CDC42EP3: variants seen among roughly 807,000 people sequenced by gnomAD.
The protein encoded by CDC42EP3 is CDC42 effector protein 3, also known as CDC42 effector protein (Rho GTPase binding) 3.
In CDC42EP3, 4 loss-of-function variants were observed where a neutral mutation model predicts 15.5. The ratio of observed to expected loss-of-function variants is 0.26; its 90% CI spans 0.13 to 0.59. The LOEUF (loss-of-function observed/expected upper bound fraction) is 0.59. Ranked by LOEUF, CDC42EP3 falls within the 20% of genes least tolerant of loss-of-function variation. CDC42EP3 has a pLI of 0.89. For missense variants in CDC42EP3, 309 were observed against 311.2 expected, an observed-to-expected ratio of 0.99 and a Z score of 0.05; for synonymous variants, 145 against 130.3, an observed-to-expected ratio of 1.11 and a Z score of -0.77.
chr2:37,672,283 T>G (rs1301295511), upstream of CDC42EP3: 1 of 152,452 alleles, frequency 6.6e-6, no homozygotes, highest in Non-Finnish European at 1.5e-5. Context: ...ATAAGCGCCC[T>G]GAAGATGCCG....
intron 1 of CDC42EP3, among the ~76,000 whole-genome samples, chr2:37,667,756 A>G (rs1380139105): frequency 6.6e-6 from 1 of 152,240 alleles, no homozygotes; most frequent in African/African-American, 2.4e-5. Context: ...CCAGAGGCCA[A>G]AAGTCATAAC....
At chr2:37,660,075 CT>C (rs1666008578) in intron 1 of CDC42EP3, among the ~76,000 whole-genome samples, 1 of 152,168 alleles carries the variant, frequency 6.6e-6, no homozygotes, top group Non-Finnish European at 1.5e-5. Context: ...GGTGTTAGAG[CT>C]GAGTGTTAAA....
intron 1 of CDC42EP3, among the ~76,000 whole-genome samples, chr2:37,666,575 C>T (rs1666256491): frequency 6.6e-6 from 1 of 152,220 alleles, no homozygotes; most frequent in Non-Finnish European, 1.5e-5. Flanking sequence ...TCTATTAATT[C>T]ATGACTTAGG....
At chr2:37,664,207 A>G (rs1388183137) in intron 1 of CDC42EP3, among the ~76,000 whole-genome samples, 1 of 152,096 alleles carries the variant, frequency 6.6e-6, no homozygotes, top group African/African-American at 2.4e-5. Context: ...CAGGCAGAGG[A>G]ACGTGGAAGG....
Position 37,642,281 on chromosome 2 carries a change from C to T in CDC42EP3, c.*3542G>A, listed in dbSNP as rs957948961. The stretch of plus-strand genomic sequence containing the variant: ...TTAGCCAGTACCAATAAGTTAACGT[C>T]GTGTGAATAATTTTGGGTATTCTGG... On this transcript the variant is annotated 3_prime_UTR_variant, in exon 2 of 2. Coordinates refer to ENST00000295324, the MANE Select transcript of CDC42EP3 (RefSeq NM_006449.5). 1 of 152,180 alleles carries T rather than the reference C, an allele frequency of 6.6e-6. No individual in the cohort carries two copies. The highest frequency in any genetic ancestry group is 1.5e-5 in the Non-Finnish European group (1 of 68,038). 9.4% of individuals were successfully genotyped at this position (152,180 alleles called of 1,614,324 possible).
intron 1 of CDC42EP3, among the ~76,000 whole-genome samples, chr2:37,649,296 T>A (rs1197713185): frequency 1.3e-5 from 2 of 151,154 alleles, no homozygotes; most frequent in East Asian, 2.0e-4. Context: ...ACAAAAACTT[T>A]CTTAAAAAAT....
chr2:37,651,851 C>A (rs1243731226), intron 1 of CDC42EP3, among the ~76,000 whole-genome samples: 2 of 152,158 alleles, frequency 1.3e-5, no homozygotes, highest in Non-Finnish European at 2.9e-5. Context: ...TATGCCATGA[C>A]TTGAAATCCC....
Position 37,661,513 on chromosome 2 carries a change from C to G in CDC42EP3, c.-236+9913G>C, listed in dbSNP as rs985464611. On this transcript the variant is annotated intron_variant, in intron 1 of 1. Transcript: ENST00000295324. The stretch of plus-strand genomic sequence containing the variant: ...AACTGGGGTCCAGAATTACCTGGAC[C>G]GAGAGCCGGGGCTGGATGAAGCCCA... 3.3e-5 allele frequency among the ~76,000 whole-genome samples: 5 copies of G among 152,060 alleles called. No homozygotes were observed. The South Asian group carries it at 8.3e-4, about 25-fold the overall frequency.
intron 1 of CDC42EP3, among the ~76,000 whole-genome samples, chr2:37,667,371 C>G (rs561936426): frequency 1.3e-5 from 2 of 152,262 alleles, no homozygotes; most frequent in South Asian, 2.1e-4. Context: ...TTCCTGCCTT[C>G]AAGGAGGGGA....
chr2:37,657,060 G>A (rs1233593627), intron 1 of CDC42EP3, among the ~76,000 whole-genome samples: 2 of 135,420 alleles, frequency 1.5e-5, no homozygotes, highest in African/African-American at 2.9e-5. Flanking sequence ...GTTAAGTGCT[G>A]TTCATTCTTT....
At position 37,657,037 on chromosome 2, in the gene CDC42EP3, C is replaced by T. The variant is rs150771100; in HGVS notation, c.-235-10215G>A. ...CGAGGAGAAAAACAAACATCCTGTT[C>T]TTAGAAAATCGTGTTAAGTGCTGTT... is the stretch of plus-strand genomic sequence containing the variant. On this transcript the variant is annotated intron_variant, in intron 1 of 1. Coordinates refer to ENST00000295324, the MANE Select transcript of CDC42EP3 (RefSeq NM_006449.5). Among the ~76,000 whole-genome samples, 464 of 127,568 alleles carry T rather than the reference C, an allele frequency of 3.6e-3. 2 individuals carry two copies. Among genetic ancestry groups the T allele is most frequent in the African/African-American group, 0.013 (441 of 33,612 alleles). The allele number at this position is 127,568 out of a possible 152,430, so 83.7% of individuals were successfully genotyped here.
chr2:37,646,022 G>T lies in CDC42EP3; in HGVS notation c.566C>A (p.Ser189Tyr), dbSNP rs746537202. 8 of 1,613,916 alleles carry T rather than the reference G, an allele frequency of 5.0e-6. No homozygotes were observed. The highest frequency in any genetic ancestry group is 6.8e-6 in the Non-Finnish European group (8 of 1,179,968). ...SQSSQGRDSH[S>Y]SSLSEQYPDW... ...GGGGTACTGTTCGGACAGGCTGGAG[G>T]AGTGGCTGTCTCTGCCTTGGCTGGA... Residue 189 changes from serine (S) to tyrosine (Y), a missense_variant, in exon 2 of 2, where the codon TCC (serine) becomes TAC (tyrosine). By Grantham distance (144) the Ser-to-Tyr change is moderately radical. Coordinates refer to ENST00000295324, the MANE Select transcript of CDC42EP3 (RefSeq NM_006449.5).
In CDC42EP3 at chr2:37,644,723, G is replaced by C. The variant is rs1322090292; in HGVS notation, c.*1100C>G. The C allele has an allele frequency of 6.6e-6, 1 of 151,978 alleles. No homozygotes were observed. Among genetic ancestry groups the C allele is most frequent in the Non-Finnish European group, 1.5e-5 (1 of 68,012 alleles). The allele number at this position is 151,978 out of a possible 1,614,324, so 9.4% of individuals were successfully genotyped here. ...AACCATAAGGAAGTAATCAAAATGA[G>C]AGTAGATGGAAATCATCTCTTACCT... On this transcript the variant is annotated 3_prime_UTR_variant, in exon 2 of 2. Coordinates refer to ENST00000295324, the MANE Select transcript of CDC42EP3 (RefSeq NM_006449.5).
intron 1 of CDC42EP3, among the ~76,000 whole-genome samples, chr2:37,669,998 C>A (rs1227650968): frequency 6.6e-6 from 1 of 152,154 alleles, no homozygotes; most frequent in Admixed American, 6.5e-5. Flanking sequence ...TAAGAGCTCA[C>A]ACAAATTGCA....
intron 1 of CDC42EP3, among the ~76,000 whole-genome samples, chr2:37,666,800 A>G (rs901924682): frequency 4.4e-5 from 6 of 137,378 alleles, no homozygotes; most frequent in Non-Finnish European, 7.8e-5. Context: ...ACTGAAGTAT[A>G]TCAAGGAGAA....
At chr2:37,656,345 C>T (rs1304004406) in intron 1 of CDC42EP3, among the ~76,000 whole-genome samples, 1 of 152,204 alleles carries the variant, frequency 6.6e-6, no homozygotes, top group Admixed American at 6.5e-5. Context: ...CATCTTTTGC[C>T]TCCCACAACA....
intron 1 of CDC42EP3, among the ~76,000 whole-genome samples, chr2:37,669,477 G>T (rs1310085885): frequency 2.6e-5 from 4 of 152,118 alleles, no homozygotes; most frequent in African/African-American, 9.7e-5. Context: ...GCACTTAAAT[G>T]TGCAATAAAA....
At position 37,646,618 on chromosome 2, in the gene CDC42EP3, C is replaced by T. The variant is rs201952648; in HGVS notation, c.-31G>A. The T allele has an allele frequency of 9.9e-6, 15 of 1,518,206 alleles. No homozygotes were observed. The highest frequency in any genetic ancestry group is 1.3e-5 in the South Asian group (1 of 74,356). The allele number at this position is 1,518,206 out of a possible 1,614,324, so 94.0% of individuals were successfully genotyped here. A position where few individuals can be genotyped will look rare whatever the true frequency, so the allele number is the denominator to read the frequency against. ...AATTTGAGAATGTCTATTTTGCAAG[C>T]GGGAGAAAGGGCCACTTTCTTCACA... On this transcript the variant is annotated 5_prime_UTR_variant, in exon 2 of 2. Coordinates refer to ENST00000295324, the MANE Select transcript of CDC42EP3 (RefSeq NM_006449.5).
intron 1 of CDC42EP3, chr2:37,647,651 T>G (rs901095118): frequency 2.0e-5 from 3 of 152,560 alleles, no homozygotes; most frequent in Non-Finnish European, 4.4e-5. Flanking sequence ...GGAGCCCCCA[T>G]GATCTGCCTC....
Sources: gnomAD v4.1 joint callset for allele counts (sites outside exome capture counted in the v4.1 genomes callset) on GRCh38, gnomAD v4.1.1 for gene constraint, MANE v1.5 for transcripts, NCBI Gene and HGNC (gene_info 2026-07-23, HGNC 2026-07-21) for gene names.